The following RSPRY1 variants were observed in gnomAD, a reference collection of about 807,000 sequenced individuals.
RSPRY1 encodes the protein ring finger and SPRY domain containing 1.
RSPRY1 carries 23 observed loss-of-function variants against 73.1 expected under a neutral mutation model. The ratio of observed to expected loss-of-function variants is 0.31; its 90% CI spans 0.23 to 0.45. The LOEUF is 0.45. Ranked by LOEUF, RSPRY1 falls within the 20% of genes least tolerant of loss-of-function variation. RSPRY1 has a pLI of 1.00. For missense variants in RSPRY1, 448 were observed against 698.7 expected, an observed-to-expected ratio of 0.64 and a Z score of 4.05; for synonymous variants, 226 against 251.4, an observed-to-expected ratio of 0.90 and a Z score of 0.95.
Position 57,209,198 on chromosome 16 carries a change from A to G in RSPRY1, c.516+11A>G, listed in dbSNP as rs371561971. 134 of 1,509,604 alleles carry G rather than the reference A, an allele frequency of 8.9e-5. 1 individual carries two copies. In the East Asian group the frequency reaches 1.1e-3, roughly 13 times the overall value. The allele number at this position is 1,509,604 out of a possible 1,614,324, so 93.5% of individuals were successfully genotyped here. A position where few individuals can be genotyped will look rare whatever the true frequency, so the allele number is the denominator to read the frequency against. On this transcript the variant is annotated intron_variant, in intron 4 of 14. Coordinates refer to ENST00000394420, the MANE Select transcript of RSPRY1 (RefSeq NM_133368.3). Reference sequence around the variant, plus strand: ...CCATTGCCCACTAAAGTAAGTTAATACTTATCTTTTATGAAACTATCATTT... The same window carrying G: ...CCATTGCCCACTAAAGTAAGTTAATGCTTATCTTTTATGAAACTATCATTT...
intron 1 of RSPRY1, among the ~76,000 whole-genome samples, chr16:57,195,179 C>T (rs2074417342): frequency 6.6e-6 from 1 of 152,148 alleles, no homozygotes; most frequent in African/African-American, 2.4e-5. Context: ...AGGAAATATT[C>T]GATCATAATT....
At chr16:57,195,215 G>A (rs1019926053) in intron 1 of RSPRY1, among the ~76,000 whole-genome samples, 3 of 152,110 alleles carry the variant, frequency 2.0e-5, no homozygotes, top group East Asian at 1.9e-4. Flanking sequence ...AATTGTTATC[G>A]AGAGTATAAT....
chr16:57,205,056 G>A, intron 2 of RSPRY1, 48 bp downstream of exon 2: 1 of 1,442,480 alleles, frequency 6.9e-7, no homozygotes, highest in Middle Eastern at 1.8e-4. Flanking sequence ...AAAGTGTTCT[G>A]CCCGGAACCA....
At position 57,217,028 on chromosome 16, in the gene RSPRY1, C is replaced by T; in HGVS notation, c.894C>T (p.Asp298=). The change falls in exon 8 of 15, where the codon GAC becomes GAT. Residue 298 remains aspartate, a synonymous_variant. Coordinates refer to ENST00000394420, the MANE Select transcript of RSPRY1 (RefSeq NM_133368.3). ...QVGFCAQWSL[D]NLFLKEGRQL... is the part of the protein sequence containing the mutation. ...GTTTCTGTGCCCAGTGGAGCTTAGA[C>T]AATCTCTGTAAGTGGGAGTTGTCCT... is the stretch of plus-strand genomic sequence containing the variant. 1.9e-6 allele frequency: 3 copies of T among 1,614,158 alleles called. No individual in the cohort carries two copies. Among genetic ancestry groups the T allele is most frequent in the South Asian group, 2.2e-5 (2 of 91,086 alleles).
At chr16:57,232,187 G>A (rs1426780094) in intron 13 of RSPRY1, among the ~76,000 whole-genome samples, 1 of 152,152 alleles carries the variant, frequency 6.6e-6, no homozygotes, top group African/African-American at 2.4e-5. Flanking sequence ...GTATGCCCCT[G>A]AAGATATCTG....
rs1320280029 is a variant in RSPRY1, at chr16:57,200,954, G to T, written c.-155-3550G>T. 6.4e-4 allele frequency among the ~76,000 whole-genome samples: 88 copies of T among 137,080 alleles called. 3 individuals carry two copies. Among genetic ancestry groups the T allele is most frequent in the African/African-American group, 1.5e-3 (55 of 37,574 alleles). 89.9% of individuals were successfully genotyped at this position (137,080 alleles called of 152,430 possible). A position where few individuals can be genotyped will look rare whatever the true frequency, so the allele number is the denominator to read the frequency against. Reference sequence around the variant, plus strand: ...CCAGACGGGGCGGCTGGCCGGGGGGGGGGGGGGCTGACCCCCCCACCTCCC... The same window carrying T: ...CCAGACGGGGCGGCTGGCCGGGGGGTGGGGGGGCTGACCCCCCCACCTCCC... On this transcript the variant is annotated intron_variant, in intron 1 of 14. Transcript: ENST00000394420.
At chr16:57,195,711 T>G (rs1286199017) in intron 1 of RSPRY1, among the ~76,000 whole-genome samples, 1 of 151,074 alleles carries the variant, frequency 6.6e-6, no homozygotes, top group Non-Finnish European at 1.5e-5. Flanking sequence ...TAATGTTGTC[T>G]TTGAAGTTAA....
chr16:57,191,552 G>C (rs1481335151), intron 1 of RSPRY1, among the ~76,000 whole-genome samples: 1 of 152,046 alleles, frequency 6.6e-6, no homozygotes, highest in African/African-American at 2.4e-5. Context: ...AGTTTGGGGT[G>C]CATCATCTGA....
chr16:57,203,242 G>A (rs2074659051), intron 1 of RSPRY1, among the ~76,000 whole-genome samples: 2 of 152,168 alleles, frequency 1.3e-5, no homozygotes, highest in African/African-American at 4.8e-5. Context: ...GTTGCAGTGA[G>A]CTAAGATCAT....
intron 12 of RSPRY1, among the ~76,000 whole-genome samples, 160 bp downstream of exon 12, chr16:57,230,973 A>C (rs2075209904): frequency 6.6e-6 from 1 of 152,226 alleles, no homozygotes; most frequent in Non-Finnish European, 1.5e-5. Flanking sequence ...AAACTATCCC[A>C]AAGTTTGATA....
chr16:57,197,184 A>AT (rs1299718240), intron 1 of RSPRY1, among the ~76,000 whole-genome samples: 1 of 152,154 alleles, frequency 6.6e-6, no homozygotes, highest in African/African-American at 2.4e-5. Flanking sequence ...ATTAGCTTTC[A>AT]CCCAGTCTTT....
chr16:57,213,420 A>G (rs2074881751), intron 5 of RSPRY1, among the ~76,000 whole-genome samples: 1 of 152,270 alleles, frequency 6.6e-6, no homozygotes. Flanking sequence ...TATACAATAT[A>G]TAATTTGCAT....
intron 14 of RSPRY1, among the ~76,000 whole-genome samples, chr16:57,236,951 G>A (rs1157098542): frequency 6.6e-6 from 1 of 152,028 alleles, no homozygotes; most frequent in Non-Finnish European, 1.5e-5. Context: ...TGGATCACAA[G>A]GCCAGGAGTT....
At chr16:57,190,816 G>C in intron 1 of RSPRY1, among the ~76,000 whole-genome samples, 1 of 152,156 alleles carries the variant, frequency 6.6e-6, no homozygotes, top group East Asian at 1.9e-4. Context: ...TTCCAAAAGG[G>C]AGTGGTTGCT....
chr16:57,215,054 G>A (rs1349836077), intron 6 of RSPRY1, among the ~76,000 whole-genome samples: 2 of 151,986 alleles, frequency 1.3e-5, no homozygotes, highest in African/African-American at 4.8e-5. Context: ...TAAATGAGAA[G>A]GTGGGTGGTA....
chr16:57,210,575 G>C (rs564152745), intron 4 of RSPRY1, among the ~76,000 whole-genome samples: 2 of 152,160 alleles, frequency 1.3e-5, no homozygotes, highest in East Asian at 3.9e-4. Context: ...TCAGCCGGGA[G>C]TGGTGGCAGG....
intron 2 of RSPRY1, 95 bp from the exon 3 acceptor site, chr16:57,207,963 G>T: frequency 2.6e-6 from 2 of 756,236 alleles, no homozygotes; most frequent in Admixed American, 2.3e-5. Context: ...CATTTCTTCT[G>T]TCCCTTTTTA....
intron 1 of RSPRY1, among the ~76,000 whole-genome samples, chr16:57,201,856 G>T (rs1258080664): frequency 6.6e-6 from 1 of 152,226 alleles, no homozygotes; most frequent in Non-Finnish European, 1.5e-5. Context: ...GCACTCGGCA[G>T]GCTGAGGCAG....
At chr16:57,231,529 A>C (rs561629322) in intron 13 of RSPRY1, among the ~76,000 whole-genome samples, 2 of 152,322 alleles carry the variant, frequency 1.3e-5, no homozygotes, top group Admixed American at 6.5e-5. Flanking sequence ...AAAGCACCAG[A>C]CCCAGGTGGT....
Sources: allele counts gnomAD v4.1 joint callset (sites outside exome capture counted in the v4.1 genomes callset), GRCh38; gene constraint gnomAD v4.1.1; transcripts MANE v1.5; gene names NCBI Gene and HGNC (gene_info 2026-07-23, HGNC 2026-07-21).